Variants in ACADVL observed in about 807,000 individuals in gnomAD.
ACADVL encodes acyl-CoA dehydrogenase very long chain.
Under a neutral mutation model 80.4 loss-of-function variants are expected in ACADVL, and 73 were observed. That is an observed-to-expected ratio of 0.91 (90% CI 0.75 to 1.10). The LOEUF (loss-of-function observed/expected upper bound fraction) is 1.10. ACADVL is among the 50% of genes least tolerant of loss of function. The probability of loss-of-function intolerance (pLI) is 0.00; values close to 1 mark genes in which losing one functional copy is unlikely to be tolerated. For synonymous variants in ACADVL, 392 were observed against 326.5 expected, an observed-to-expected ratio of 1.20 and a Z score of -2.16; for missense variants, 878 against 858.9, an observed-to-expected ratio of 1.02 and a Z score of -0.28.
In ACADVL at chr17:7,220,594, C is replaced by A; in HGVS notation, c.205-10C>A. 6.2e-7 allele frequency: 1 copy of A among 1,614,246 alleles called. No individual in the cohort carries two copies. The highest frequency in any genetic ancestry group is 8.5e-7 in the Non-Finnish European group (1 of 1,180,052). On this transcript the variant is annotated splice_polypyrimidine_tract_variant and intron_variant, in intron 3 of 19. Coordinates refer to ENST00000356839, the MANE Select transcript of ACADVL (RefSeq NM_000018.4). ...AACCAGAGCCCTGAAATTTGCCTCT[C>A]TCTGCCCAGGAATCTAAGTCCTTTG...
chr17:7,217,478 G>A, upstream of ACADVL: 1 of 392,230 alleles, frequency 2.5e-6, no homozygotes, highest in Middle Eastern at 8.3e-4. Context: ...GTGGGGGAGG[G>A]GAACTGGATT....
intron 7 of ACADVL, 104 bp downstream of exon 7, chr17:7,221,786 G>A (rs1597526037): frequency 1.3e-6 from 2 of 1,599,064 alleles, no homozygotes; most frequent in South Asian, 2.2e-5. Context: ...ATTTCAGTTG[G>A]GGGAAGGTTT....
At chr17:7,222,939 C>T (rs2071302712) in intron 10 of ACADVL, 74 bp downstream of exon 10, 1 of 1,545,266 alleles carries the variant, frequency 6.5e-7, no homozygotes, top group East Asian at 2.3e-5. Flanking sequence ...TGTCCCTGAT[C>T]ACTTGCAGGC....
upstream of ACADVL, chr17:7,218,950 A>G (rs2071061164): frequency 2.3e-6 from 3 of 1,294,312 alleles, no homozygotes; most frequent in Non-Finnish European, 3.3e-6. Flanking sequence ...GCCGTCTCTG[A>G]GCCGACCAGC....
At position 7,223,731 on chromosome 17, in the gene ACADVL, G is replaced by A. The variant is rs773401248; in HGVS notation, c.1269+1G>A. ...CGCCATCAGCAAAATCTTTGGCTCG[G>A]TGAGGTCCCAGGCATGCTGGGAGGG... On this transcript the variant is annotated splice_donor_variant, in intron 12 of 19. Transcript: ENST00000356839. LOFTEE classifies it high-confidence loss of function. The A allele has an allele frequency of 2.5e-6, 4 of 1,614,156 alleles. No individual in the cohort carries two copies. The highest frequency in any genetic ancestry group is 2.5e-6 in the Non-Finnish European group (3 of 1,180,030).
chr17:7,222,642 G>C (rs746590557), intron 9 of ACADVL, 25 bp from the exon 10 acceptor site: 1 of 1,602,046 alleles, frequency 6.2e-7, no homozygotes, highest in Non-Finnish European at 8.5e-7. Flanking sequence ...ACACACCTCT[G>C]CTTTCCCACA....
chr17:7,221,633 C>A lies in ACADVL; in HGVS notation c.573C>A (p.Leu191=). The change falls in exon 7 of 20, where the codon CTC becomes CTA. Residue 191 remains leucine (L), a synonymous_variant. Transcript: ENST00000356839. ...HQSIGFKGIL[L]FGTKAQKEKY... is the part of the protein sequence containing the mutation. ...GCATCGGTTTCAAAGGCATCCTGCT[C>A]TTTGGCACAAAGGCCCAGAAAGAAA... The A allele has an allele frequency of 3.1e-6, 5 of 1,614,048 alleles. No homozygotes were observed. The highest frequency in any genetic ancestry group is 4.2e-6 in the Non-Finnish European group (5 of 1,180,042).
chr17:7,223,198 G>A lies in ACADVL; in HGVS notation c.1143G>A (p.Glu381=). 2 of 1,614,118 alleles carry A rather than the reference G, an allele frequency of 1.2e-6. No homozygotes were observed. Among genetic ancestry groups the A allele is most frequent in the Non-Finnish European group, 1.7e-6 (2 of 1,179,978 alleles). Reference sequence around the variant, plus strand: ...TTCACAACTTTGGGCTGATCCAGGAGAAGCTGGCACGGATGGTTATGCTGC... The same window carrying A: ...TTCACAACTTTGGGCTGATCCAGGAAAAGCTGGCACGGATGGTTATGCTGC... ...EKIHNFGLIQ[E]KLARMVMLQY... The change falls in exon 11 of 20, where the codon GAG becomes GAA. Residue 381 remains glutamate (E), a synonymous_variant. Coordinates refer to ENST00000356839, the MANE Select transcript of ACADVL (RefSeq NM_000018.4).
At chr17:7,223,605 T>C in intron 11 of ACADVL, 39 bp from the exon 12 acceptor site, 1 of 1,609,998 alleles carries the variant, frequency 6.2e-7, no homozygotes, top group South Asian at 1.1e-5. Context: ...CAAAGCCCTT[T>C]GCAATTTTCC....
At chr17:7,223,919 G>A in intron 13 of ACADVL, 44 bp downstream of exon 13, 4 of 1,613,704 alleles carry the variant, frequency 2.5e-6, no homozygotes, top group East Asian at 2.2e-5. Context: ...GCCAGGGGTG[G>A]GTAGGCACAT....
At position 7,222,189 on chromosome 17, in the gene ACADVL, A is replaced by G. The variant is rs750526803; in HGVS notation, c.765A>G (p.Leu255=). The stretch of plus-strand genomic sequence containing the variant: ...CATTCTTCCACAGTAATGGGGGCCT[A>G]GCAGACATCTTCACGGTCTTTGCCA... ...GSKLWISNGG[L]ADIFTVFAKT... is the part of the protein sequence containing the mutation. Residue 255 remains leucine (L), a synonymous_variant, in exon 9 of 20, where the codon CTA becomes CTG. Coordinates refer to ENST00000356839, the MANE Select transcript of ACADVL (RefSeq NM_000018.4). 1.4e-5 allele frequency: 23 copies of G among 1,614,036 alleles called. No individual in the cohort carries two copies. In the South Asian group the frequency reaches 2.5e-4, roughly 18 times the overall value.
chr17:7,222,796 C>T lies in ACADVL; in HGVS notation c.1008C>T (p.Ile336=), dbSNP rs1308840869. ...VGSGFKVAMH[I]LNNGRFGMAA... is the part of the protein sequence containing the mutation. ...GTGGCTTCAAGGTTGCCATGCACAT[C>T]CTCAACAATGGAAGGTTTGGCATGG... Residue 336 remains isoleucine, a synonymous_variant, in exon 10 of 20, where the codon ATC becomes ATT. Coordinates refer to ENST00000356839, the MANE Select transcript of ACADVL (RefSeq NM_000018.4). 1.2e-6 allele frequency: 2 copies of T among 1,613,964 alleles called. No individual in the cohort carries two copies. Among genetic ancestry groups the T allele is most frequent in the East Asian group, 2.2e-5 (1 of 44,884 alleles).
intron 9 of ACADVL, 169 bp downstream of exon 9, chr17:7,222,471 G>C: frequency 1.6e-6 from 2 of 1,223,620 alleles, no homozygotes; most frequent in Admixed American, 4.7e-5. Context: ...TTTGGCTCCA[G>C]CAACCAAGTC....
chr17:7,221,932 A>G lies in ACADVL; in HGVS notation c.623-20A>G, dbSNP rs1555528255. ...TGAAGCTCATCAGAACTTGGGGTAA[A>G]GTAGCTCTCTCCCCAACAGGGGAGA... is the stretch of plus-strand genomic sequence containing the variant. On this transcript the variant is annotated intron_variant, in intron 7 of 19. Transcript: ENST00000356839. 9.9e-6 allele frequency: 16 copies of G among 1,613,884 alleles called. No individual in the cohort carries two copies. The South Asian group carries it at 1.6e-4, about 17-fold the overall frequency.
rs763541934 is a variant in ACADVL, at chr17:7,223,109, C to T, written c.1078-24C>T. The T allele has an allele frequency of 1.1e-5, 17 of 1,588,918 alleles. No individual in the cohort carries two copies. The highest frequency in any genetic ancestry group is 8.3e-5 in the Admixed American group (5 of 59,984). On this transcript the variant is annotated intron_variant, in intron 10 of 19. Transcript: ENST00000356839. ...ACTGCAGAACCACACTGAACCACAG[C>T]GGGATGTGTGGACCCTCTTCCAGGT...
intron 2 of ACADVL, 36 bp from the exon 3 acceptor site, chr17:7,220,428 C>A: frequency 6.2e-7 from 1 of 1,613,038 alleles, no homozygotes; most frequent in Non-Finnish European, 8.5e-7. Context: ...CAGCGGAAGT[C>A]CCTTCCCTGA....
At chr17:7,223,059 C>A in intron 10 of ACADVL, 74 bp from the exon 11 acceptor site, 1 of 1,517,916 alleles carries the variant, frequency 6.6e-7, no homozygotes, top group Non-Finnish European at 9.1e-7. Context: ...CCCTCTGGCG[C>A]AAGCCCAGCC....
rs1425254452 is a variant in ACADVL at position 7,220,622 on chromosome 17, G to A, written c.223G>A (p.Val75Met). ...PAKAESKSFAVGMFKGQLTTD... is the reference protein window; with the variant it reads ...PAKAESKSFAMGMFKGQLTTD... The stretch of plus-strand genomic sequence containing the variant: ...TGCCCAGGAATCTAAGTCCTTTGCT[G>A]TGGGAATGTTCAAAGGCCAGCTCAC... The change falls in exon 4 of 20, where the codon GTG (valine) becomes ATG (methionine). Residue 75 changes from valine to methionine, a missense_variant. Val to Met is a conservative substitution (Grantham distance 21). Coordinates refer to ENST00000356839, the MANE Select transcript of ACADVL (RefSeq NM_000018.4). The A allele has an allele frequency of 1.9e-6, 3 of 1,614,226 alleles. No homozygotes were observed. The highest frequency in any genetic ancestry group is 1.1e-5 in the South Asian group (1 of 91,086).
At chr17:7,218,316 C>A, upstream of ACADVL, 1 of 1,594,276 alleles carries the variant, frequency 6.3e-7, no homozygotes, top group Non-Finnish European at 8.5e-7. Flanking sequence ...ACCTCCCCAC[C>A]CCAGGCCTCT....
Sources: allele counts gnomAD v4.1 joint callset, GRCh38; gene constraint gnomAD v4.1.1; transcripts MANE v1.5; gene names NCBI Gene and HGNC (gene_info 2026-07-23, HGNC 2026-07-21).